NDST4: variants seen among roughly 807,000 people sequenced by gnomAD.
NDST4 encodes N-deacetylase and N-sulfotransferase 4.
NDST4 carries 63 observed loss-of-function variants against 100.8 expected under a neutral mutation model. That is an observed-to-expected ratio of 0.62 (90% confidence interval 0.51 to 0.77). The LOEUF (loss-of-function observed/expected upper bound fraction) is 0.77. NDST4 is among the 30% of genes least tolerant of loss of function. The pLI is 0.00. For synonymous variants in NDST4, 377 were observed against 361.8 expected (o/e 1.04, Z -0.48); for missense variants, 943 against 1,018.4 (o/e 0.93, Z 1.01).
chr4:114,964,619 A>G (rs1726339767), intron 4 of NDST4, among the ~76,000 whole-genome samples: 1 of 152,204 alleles, frequency 6.6e-6, no homozygotes, highest in African/African-American at 2.4e-5. Flanking sequence ...AGAACAATTA[A>G]CATGATATCT....
intron 2 of NDST4, among the ~76,000 whole-genome samples, chr4:115,014,114 T>C (rs1399467936): frequency 6.6e-6 from 1 of 152,072 alleles, no homozygotes; most frequent in Non-Finnish European, 1.5e-5. Context: ...GTTATTAATC[T>C]GTCAAATGCC....
intron 6 of NDST4, among the ~76,000 whole-genome samples, chr4:114,891,845 T>C (rs1016335113): frequency 5.4e-4 from 82 of 152,284 alleles, no homozygotes; most frequent in African/African-American, 1.8e-3. Context: ...GTGTTGACTC[T>C]TTGATACAAA....
At chr4:115,046,171 C>G (rs1728460836) in intron 2 of NDST4, among the ~76,000 whole-genome samples, 1 of 152,142 alleles carries the variant, frequency 6.6e-6, no homozygotes, top group African/African-American at 2.4e-5. Flanking sequence ...TCAGGAAAGG[C>G]TGAAGGGGCT....
chr4:114,982,378 A>T (rs1004149663), intron 2 of NDST4, among the ~76,000 whole-genome samples: 1 of 152,200 alleles, frequency 6.6e-6, no homozygotes, highest in Non-Finnish European at 1.5e-5. Context: ...ATTGGAAACT[A>T]GAGCAAAGGT....
intron 4 of NDST4, among the ~76,000 whole-genome samples, chr4:114,943,984 C>T (rs1725807143): frequency 6.6e-6 from 1 of 152,158 alleles, no homozygotes; most frequent in African/African-American, 2.4e-5. Context: ...ACAAGGACCA[C>T]AAGCTTGAGT....
chr4:115,009,096 A>G (rs1223466162), intron 2 of NDST4, among the ~76,000 whole-genome samples: 1 of 126,128 alleles, frequency 7.9e-6, no homozygotes, highest in Non-Finnish European at 1.7e-5. Context: ...TATCGTGAAA[A>G]TGGCCATACT....
intron 2 of NDST4, among the ~76,000 whole-genome samples, chr4:115,057,832 A>G (rs1267362400): frequency 6.6e-6 from 1 of 152,128 alleles, no homozygotes; most frequent in Non-Finnish European, 1.5e-5. Context: ...ATTAAATCAT[A>G]TTCATTTTTG....
chr4:114,859,469 TAACA>T (rs1424652662), intron 7 of NDST4, among the ~76,000 whole-genome samples: 2 of 152,286 alleles, frequency 1.3e-5, no homozygotes, highest in South Asian at 2.1e-4. Context: ...GGAGTGAACA[TAACA>T]AATGAAACTG....
At chr4:115,023,787 C>T (rs1055130470) in intron 2 of NDST4, among the ~76,000 whole-genome samples, 4 of 152,084 alleles carry the variant, frequency 2.6e-5, no homozygotes, top group Non-Finnish European at 5.9e-5. Context: ...GAGAATAGCA[C>T]CAAAGGCATT....
chr4:115,061,806 A>T (rs974809304), intron 2 of NDST4, among the ~76,000 whole-genome samples: 4 of 152,080 alleles, frequency 2.6e-5, no homozygotes, highest in African/African-American at 9.7e-5. Flanking sequence ...AAAAGTAGAC[A>T]GTGTTCAAAA....
At chr4:115,016,734 T>C (rs1468829307) in intron 2 of NDST4, among the ~76,000 whole-genome samples, 1 of 152,018 alleles carries the variant, frequency 6.6e-6, no homozygotes, top group East Asian at 1.9e-4. Flanking sequence ...CCATGCCCTG[T>C]GATTATCAAT....
intron 2 of NDST4, among the ~76,000 whole-genome samples, chr4:115,003,731 G>A (rs1039315216): frequency 8.6e-5 from 13 of 151,992 alleles, no homozygotes; most frequent in East Asian, 3.9e-4. Context: ...AGCCAGGCAC[G>A]GTGGCGGGCA....
intron 4 of NDST4, 43 bp from the exon 5 acceptor site, chr4:114,937,546 T>C (rs778332756): frequency 3.0e-5 from 43 of 1,445,668 alleles, no homozygotes; most frequent in Non-Finnish European, 4.0e-5. Flanking sequence ...ACAAGGCCAA[T>C]TAATTCAGTG....
Position 114,950,844 on chromosome 4 carries a change from C to T in NDST4, c.1222-13341G>A, listed in dbSNP as rs1186401883. 3.3e-5 allele frequency among the ~76,000 whole-genome samples: 5 copies of T among 149,646 alleles called. No homozygotes were observed. The East Asian group carries it at 9.9e-4, about 29-fold the overall frequency. ...ACAAGTGTCTCTTTTGTGGCTGCAC[C>T]GTGTTCTGTACATTTCTCTCAAAAA... On this transcript the variant is annotated intron_variant, in intron 4 of 13. Coordinates refer to ENST00000264363, the MANE Select transcript of NDST4 (RefSeq NM_022569.3).
At chr4:115,027,295 A>G (rs79002973) in intron 2 of NDST4, among the ~76,000 whole-genome samples, 2,176 of 152,254 alleles carry the variant, frequency 0.014, 50 homozygotes, top group African/African-American at 0.047. Flanking sequence ...GATGGAAGAC[A>G]GAATTTGGCT....
At chr4:114,976,493 G>C (rs956102165) in intron 3 of NDST4, among the ~76,000 whole-genome samples, 5 of 151,972 alleles carry the variant, frequency 3.3e-5, no homozygotes, top group African/African-American at 1.2e-4. Context: ...CAGCATTTTG[G>C]AGGTGAGGGT....
At chr4:115,086,085 G>T (rs1025967458) in intron 1 of NDST4, among the ~76,000 whole-genome samples, 3 of 152,090 alleles carry the variant, frequency 2.0e-5, no homozygotes, top group African/African-American at 4.8e-5. Flanking sequence ...CTGGTTAAAA[G>T]AATTATAAAT....
chr4:115,076,269 C>T lies in NDST4; in HGVS notation c.768G>A (p.Val256=), dbSNP rs771538239. Residue 256 remains valine, a synonymous_variant, in exon 2 of 14, where the codon GTG becomes GTA. Transcript: ENST00000264363. ...CATCATGAAGCCCCAGATCCTGAATCACCGTTGCAAAGAGTGTTTTGCTAG... is the reference window on the plus strand; with the variant it reads ...CATCATGAAGCCCCAGATCCTGAATTACCGTTGCAAAGAGTGTTTTGCTAG... ...SLSSKTLFAT[V]IQDLGLHDGI... is the part of the protein sequence containing the mutation. The T allele has an allele frequency of 6.2e-7, 1 of 1,614,020 alleles. No homozygotes were observed.
At chr4:114,832,712 T>C (rs1263024947) in intron 12 of NDST4, among the ~76,000 whole-genome samples, 4 of 152,126 alleles carry the variant, frequency 2.6e-5, no homozygotes, top group Non-Finnish European at 4.4e-5. Flanking sequence ...ACAAGTAGAA[T>C]GTAGCCTAAG....
Sources: allele counts gnomAD v4.1 joint callset (sites outside exome capture counted in the v4.1 genomes callset), GRCh38; gene constraint gnomAD v4.1.1; transcripts MANE v1.5; gene names NCBI Gene and HGNC (gene_info 2026-07-23, HGNC 2026-07-21).